The following RAB11FIP4 variants were observed in gnomAD, a reference collection of about 807,000 sequenced individuals.
RAB11FIP4 encodes the protein RAB11 family interacting protein 4.
Under a neutral mutation model 74.3 loss-of-function variants are expected in RAB11FIP4, and 23 were observed. That is an observed-to-expected ratio of 0.31 (90% CI 0.22 to 0.44). The LOEUF (loss-of-function observed/expected upper bound fraction) is 0.44, where lower values mean the gene tolerates loss of function less well. Among genes scored for constraint, RAB11FIP4 ranks in the 20% least tolerant of loss-of-function variants. The pLI is 1.00. For synonymous variants in RAB11FIP4, 360 were observed against 359.9 expected, an observed-to-expected ratio of 1.00 and a Z score of 0.00; for missense variants, 630 against 863.9, an observed-to-expected ratio of 0.73 and a Z score of 3.39.
intron 1 of RAB11FIP4, among the ~76,000 whole-genome samples, chr17:31,419,182 TTGTGCAGTTTTGTGTGGG>T (rs1255135267): frequency 6.6e-6 from 1 of 152,218 alleles, no homozygotes; most frequent in Non-Finnish European, 1.5e-5. Flanking sequence ...GTGGACATTT[TTGTGCAGTTTTGTGTGGG>T]TGTGTGTGAA....
At chr17:31,506,217 A>T (rs2072346424) in intron 3 of RAB11FIP4, among the ~76,000 whole-genome samples, 1 of 152,210 alleles carries the variant, frequency 6.6e-6, no homozygotes, top group Non-Finnish European at 1.5e-5. Flanking sequence ...CTTTAAAAGT[A>T]TTACTGATGT....
intron 1 of RAB11FIP4, among the ~76,000 whole-genome samples, chr17:31,431,356 A>G (rs1433186261): frequency 6.6e-6 from 1 of 152,158 alleles, no homozygotes; most frequent in Non-Finnish European, 1.5e-5. Flanking sequence ...TAGAACAGAA[A>G]AGTTCATCAG....
chr17:31,394,014 GA>G (rs1251768011), intron 1 of RAB11FIP4, among the ~76,000 whole-genome samples: 1 of 152,104 alleles, frequency 6.6e-6, no homozygotes. Context: ...TCTGGCCACC[GA>G]AACCTCCAGG....
intron 10 of RAB11FIP4, chr17:31,527,233 G>T (rs1308602966): frequency 1.3e-5 from 2 of 152,262 alleles, no homozygotes; most frequent in African/African-American, 4.8e-5. Context: ...ACATCCCCGT[G>T]TTGTCTGAGG....
chr17:31,487,863 TG>T, intron 3 of RAB11FIP4: 1 of 178,688 alleles, frequency 5.6e-6, no homozygotes, highest in Non-Finnish European at 1.1e-5. Flanking sequence ...GCGCGGCCAT[TG>T]GTCGGCGCCC....
chr17:31,402,588 TTTTATTTATTTTTATTTA>T (rs1567643569), intron 1 of RAB11FIP4, among the ~76,000 whole-genome samples: 1 of 127,714 alleles, frequency 7.8e-6, no homozygotes, highest in East Asian at 2.0e-4. Context: ...GCTCAGATTA[TTTTATTTATTTTTATTTA>T]TTTATTTATT....
chr17:31,514,528 A>G (rs1567686325), intron 3 of RAB11FIP4, among the ~76,000 whole-genome samples: 1 of 152,224 alleles, frequency 6.6e-6, no homozygotes, highest in Non-Finnish European at 1.5e-5. Context: ...CTTCACCTAC[A>G]GAAAGGGGAA....
chr17:31,500,553 T>C (rs1164053063), intron 3 of RAB11FIP4, among the ~76,000 whole-genome samples: 4 of 152,282 alleles, frequency 2.6e-5, no homozygotes, highest in Non-Finnish European at 5.9e-5. Context: ...ACTGCTGATT[T>C]ATTCTCTTGT....
At chr17:31,525,854 C>T (rs116764754) in intron 10 of RAB11FIP4, 6,786 of 152,404 alleles carry the variant, frequency 0.045, 226 homozygotes, top group Non-Finnish European at 0.06. Context: ...GGCCCTTGAC[C>T]GAGGCCGAGG....
chr17:31,447,894 C>T (rs1329472483), intron 3 of RAB11FIP4, among the ~76,000 whole-genome samples: 3 of 152,028 alleles, frequency 2.0e-5, no homozygotes, highest in African/African-American at 4.8e-5. Context: ...GATCTCAGCT[C>T]ACTGCAACCT....
chr17:31,444,616 A>G (rs900789688), intron 3 of RAB11FIP4, among the ~76,000 whole-genome samples: 74 of 152,098 alleles, frequency 4.9e-4, no homozygotes, highest in African/African-American at 1.6e-3. Flanking sequence ...GCTACTTCCC[A>G]CGGGCCACCT....
rs145210832 is a variant in RAB11FIP4 at position 31,481,040 on chromosome 17, A to G, written c.337-36611A>G. Among the ~76,000 whole-genome samples, 1,302 of 152,294 alleles carry G rather than the reference A, an allele frequency of 8.5e-3. 14 individuals are homozygous for G. Among genetic ancestry groups the G allele is most frequent in the African/African-American group, 0.03 (1,239 of 41,558 alleles). ...GCCTGGCACTAACTGTTTTGAACAA[A>G]TGAAGGAATTAATGAAGGAATGACT... is the stretch of plus-strand genomic sequence containing the variant. On this transcript the variant is annotated intron_variant, in intron 3 of 14. Transcript: ENST00000621161.
At chr17:31,499,014 T>C (rs1486049767) in intron 3 of RAB11FIP4, among the ~76,000 whole-genome samples, 1 of 152,164 alleles carries the variant, frequency 6.6e-6, no homozygotes, top group Non-Finnish European at 1.5e-5. Context: ...AGCTGCCCGT[T>C]CCAAGAACCA....
At chr17:31,488,533 C>T in intron 3 of RAB11FIP4, 1 of 234,232 alleles carries the variant, frequency 4.3e-6, no homozygotes. Context: ...GGGGACCCGA[C>T]GGCGGGCCCC....
chr17:31,474,447 G>A (rs2071769615), intron 3 of RAB11FIP4, among the ~76,000 whole-genome samples: 1 of 152,062 alleles, frequency 6.6e-6, no homozygotes, highest in Admixed American at 6.6e-5. Flanking sequence ...CGAGGAGGGT[G>A]GATCACTTAA....
intron 1 of RAB11FIP4, among the ~76,000 whole-genome samples, chr17:31,413,963 G>A (rs1002449330): frequency 6.6e-6 from 1 of 152,222 alleles, no homozygotes; most frequent in East Asian, 1.9e-4. Context: ...TGAGGTTCAC[G>A]GGTGTCCGCA....
chr17:31,392,028 C>T lies in RAB11FIP4; in HGVS notation c.159+17C>T. 7.9e-7 allele frequency: 1 copy of T among 1,272,468 alleles called. No homozygotes were observed. The highest frequency in any genetic ancestry group is 2.4e-5 in the South Asian group (1 of 41,314). The allele number at this position is 1,272,468 out of a possible 1,614,324, so 78.8% of individuals were successfully genotyped here. On this transcript the variant is annotated intron_variant, in intron 1 of 14. Transcript: ENST00000621161. ...GGCGAGGAGGTAAGCTGGCCCGACCCCAGTCCCGGCCCGGGGACCCCAGCC... is the reference window on the plus strand; with the variant it reads ...GGCGAGGAGGTAAGCTGGCCCGACCTCAGTCCCGGCCCGGGGACCCCAGCC...
intron 2 of RAB11FIP4, among the ~76,000 whole-genome samples, chr17:31,433,800 G>A (rs1193244802): frequency 6.6e-6 from 1 of 152,188 alleles, no homozygotes; most frequent in East Asian, 1.9e-4. Flanking sequence ...CCCTCTGTGT[G>A]TGGGAATTAG....
intron 3 of RAB11FIP4, among the ~76,000 whole-genome samples, chr17:31,452,707 A>C (rs2071537786): frequency 6.6e-6 from 1 of 152,118 alleles, no homozygotes; most frequent in Non-Finnish European, 1.5e-5. Context: ...ATCCAGCAGC[A>C]AGTGTTATTT....
Sources: allele counts gnomAD v4.1 joint callset (sites outside exome capture counted in the v4.1 genomes callset), GRCh38; gene constraint gnomAD v4.1.1; transcripts MANE v1.5; gene names NCBI Gene and HGNC (gene_info 2026-07-23, HGNC 2026-07-21).